PCDHGA3: variants seen among roughly 807,000 people sequenced by gnomAD.
The protein encoded by PCDHGA3 is protocadherin gamma subfamily A, 3.
In PCDHGA3, 40 loss-of-function variants were observed where a neutral mutation model predicts 58.5. The ratio of observed to expected loss-of-function variants is 0.68; its 90% CI spans 0.53 to 0.89. The LOEUF (loss-of-function observed/expected upper bound fraction) is 0.89, where lower values mean the gene tolerates loss of function less well. PCDHGA3 is among the 40% of genes least tolerant of loss of function. The probability of loss-of-function intolerance (pLI) is 0.00; values close to 1 mark genes in which losing one functional copy is unlikely to be tolerated. For synonymous variants in PCDHGA3, 530 were observed against 525.7 expected (o/e 1.01, Z -0.11); for missense variants, 1,223 against 1,195.9 (o/e 1.02, Z -0.33).
intron 1 of PCDHGA3, among the ~76,000 whole-genome samples, chr5:141,430,014 G>A (rs925858697): frequency 6.6e-6 from 1 of 152,130 alleles, no homozygotes; most frequent in South Asian, 2.1e-4. Context: ...TTTCACTTGG[G>A]TTCTTGTTAA....
intron 1 of PCDHGA3, chr5:141,415,740 G>GTTTTTTTTTTTTTTTTTTT (rs57426385): frequency 1.1e-5 from 7 of 625,046 alleles, no homozygotes; most frequent in Admixed American, 7.1e-5. Context: ...GTTTATTAAG[G>GTTTTTTTTTTTTTTTTTTT]TTTTTTTTTT....
In PCDHGA3 at chr5:141,421,780, G is replaced by A. The variant is rs1259671007; in HGVS notation, c.2425-73027G>A. On this transcript the variant is annotated intron_variant, in intron 1 of 3. Coordinates refer to ENST00000253812, the MANE Select transcript of PCDHGA3 (RefSeq NM_018916.4). ...TAATTACTTTTCCTTGCAACTGCGGGGCAGAACGGATGGGGCCAAGAATCC... is the reference window on the plus strand; with the variant it reads ...TAATTACTTTTCCTTGCAACTGCGGAGCAGAACGGATGGGGCCAAGAATCC... The A allele has an allele frequency of 2.5e-6, 4 of 1,613,856 alleles. No homozygotes were observed. In the South Asian group the frequency reaches 4.4e-5, roughly 18 times the overall value.
intron 1 of PCDHGA3, chr5:141,366,459 T>G (rs1764573783): frequency 6.2e-7 from 1 of 1,614,122 alleles, no homozygotes; most frequent in African/African-American, 1.3e-5. Flanking sequence ...TTCGTCATCG[T>G]GCTGCTGGTG....
intron 1 of PCDHGA3, among the ~76,000 whole-genome samples, chr5:141,369,499 T>A (rs1052662878): frequency 5.3e-5 from 8 of 151,958 alleles, no homozygotes; most frequent in Non-Finnish European, 1.2e-4. Context: ...AAACCCCACC[T>A]CTATAGAAAA....
At chr5:141,507,286 TC>T in intron 3 of PCDHGA3, 1 of 149,886 alleles carries the variant, frequency 6.7e-6, no homozygotes, top group East Asian at 1.9e-4. Context: ...TAAGTCAGTC[TC>T]AAATGTTGCA....
At chr5:141,449,566 G>A (rs1235137244) in intron 1 of PCDHGA3, among the ~76,000 whole-genome samples, 4 of 147,126 alleles carry the variant, frequency 2.7e-5, no homozygotes, top group East Asian at 4.0e-4. Context: ...TCCAGCCTGG[G>A]CGACAGAGCA....
chr5:141,422,838 C>T (rs201218542), intron 1 of PCDHGA3: 182 of 1,614,252 alleles, frequency 1.1e-4, no homozygotes, highest in Middle Eastern at 1.6e-4. Context: ...TAGCACGTGA[C>T]AGCGGGGACC....
At chr5:141,384,748 T>C in intron 1 of PCDHGA3, 1 of 1,613,966 alleles carries the variant, frequency 6.2e-7, no homozygotes, top group African/African-American at 1.3e-5. Flanking sequence ...GCCAGGACTC[T>C]TTGCGGTTGG....
At chr5:141,374,437 C>T in intron 1 of PCDHGA3, 2 of 1,613,846 alleles carry the variant, frequency 1.2e-6, no homozygotes, top group Non-Finnish European at 1.7e-6. Context: ...ATCTTTATCC[C>T]GTGGAAGTGG....
intron 1 of PCDHGA3, among the ~76,000 whole-genome samples, chr5:141,474,266 G>A (rs1420620306): frequency 6.6e-6 from 1 of 152,186 alleles, no homozygotes; most frequent in Non-Finnish European, 1.5e-5. Context: ...ATAAACCAGT[G>A]TATCTCTGAA....
At chr5:141,362,011 G>A (rs1294882056) in intron 1 of PCDHGA3, 7 of 1,606,172 alleles carry the variant, frequency 4.4e-6, no homozygotes, top group African/African-American at 1.3e-5. Context: ...CACGGGTGAG[G>A]TGCGCACAGC....
intron 3 of PCDHGA3, 93 bp downstream of exon 3, chr5:141,505,574 C>G: frequency 6.3e-7 from 1 of 1,593,636 alleles, no homozygotes; most frequent in South Asian, 1.1e-5. Flanking sequence ...GGATGTCAAA[C>G]CTGTGTAGTT....
chr5:141,366,534 T>C (rs1383417034), intron 1 of PCDHGA3: 2 of 1,614,264 alleles, frequency 1.2e-6, no homozygotes, highest in Non-Finnish European at 1.7e-6. Context: ...TTGGCGGGTG[T>C]GCCCGCCTCG....
chr5:141,372,196 A>G lies in PCDHGA3; in HGVS notation c.2424+25739A>G, dbSNP rs1362728407. ...GCGGTGGACGCAGACTCGGGATACA[A>G]CGCCTGGCTGTCCTACCACATTGTG... On this transcript the variant is annotated intron_variant, in intron 1 of 3. Coordinates refer to ENST00000253812, the MANE Select transcript of PCDHGA3 (RefSeq NM_018916.4). 8 of 1,613,504 alleles carry G rather than the reference A, an allele frequency of 5.0e-6. No individual in the cohort carries two copies. The East Asian group carries it at 1.3e-4, about 27-fold the overall frequency.
Position 141,485,863 on chromosome 5 carries a change from A to G in PCDHGA3, c.2425-8944A>G, listed in dbSNP as rs770864367. 78 of 1,614,054 alleles carry G rather than the reference A, an allele frequency of 4.8e-5. No individual in the cohort carries two copies. Among genetic ancestry groups the G allele is most frequent in the Non-Finnish European group, 6.0e-5 (71 of 1,180,040 alleles). ...GATCTGGCACCGCAGAGCTCCGGGT[A>G]TCCGTGCTGGACGTAAACGACAACG... On this transcript the variant is annotated intron_variant, in intron 1 of 3. Coordinates refer to ENST00000253812, the MANE Select transcript of PCDHGA3 (RefSeq NM_018916.4). The surrounding 1 kb of genome is among the most constrained non-coding windows in gnomAD (Gnocchi z 5.7).
At chr5:141,358,616 C>T (rs1249200315) in intron 1 of PCDHGA3, among the ~76,000 whole-genome samples, 2 of 152,198 alleles carry the variant, frequency 1.3e-5, no homozygotes, top group Non-Finnish European at 2.9e-5. Flanking sequence ...AGAAATATTT[C>T]CAAGCTAATT....
At chr5:141,384,205 ACT>A (rs1561601043) in intron 1 of PCDHGA3, 2 of 1,613,874 alleles carry the variant, frequency 1.2e-6, no homozygotes, top group East Asian at 2.2e-5. Context: ...GTCCAGGGAA[ACT>A]CACATATTCA....
intron 1 of PCDHGA3, chr5:141,404,551 G>A (rs764332245): frequency 1.9e-5 from 31 of 1,613,748 alleles, no homozygotes; most frequent in African/African-American, 1.1e-4. Flanking sequence ...TGCAGGTGAC[G>A]GCAAGTGACA....
chr5:141,455,833 G>A (rs999291826), intron 1 of PCDHGA3, among the ~76,000 whole-genome samples: 1 of 151,468 alleles, frequency 6.6e-6, no homozygotes, highest in Admixed American at 6.6e-5. Flanking sequence ...CCCTTTTCCT[G>A]TCTATCTGCA....
Sources: allele counts gnomAD v4.1 joint callset (sites outside exome capture counted in the v4.1 genomes callset), GRCh38; gene constraint gnomAD v4.1.1; non-coding constraint Gnocchi (gnomAD v3.1); transcripts MANE v1.5; gene names NCBI Gene and HGNC (gene_info 2026-07-23, HGNC 2026-07-21).